The following CHFR variants were observed in gnomAD, a reference collection of about 807,000 sequenced individuals.
CHFR encodes checkpoint with forkhead and ring finger domains.
Under a neutral mutation model 87.6 loss-of-function variants are expected in CHFR, and 57 were observed. The observed-to-expected ratio is 0.65, with a 90% CI of 0.53 to 0.81. CHFR has a LOEUF of 0.81. CHFR is among the 30% of genes least tolerant of loss of function. The probability of loss-of-function intolerance (pLI) is 0.00; values close to 1 mark genes in which losing one functional copy is unlikely to be tolerated. For synonymous variants in CHFR, 381 were observed against 359.2 expected (o/e 1.06, Z -0.69); for missense variants, 797 against 865.8 (o/e 0.92, Z 1.00).
intron 16 of CHFR, among the ~76,000 whole-genome samples, chr12:132,843,732 C>T (rs1306103919): frequency 6.6e-6 from 1 of 151,802 alleles, no homozygotes; most frequent in Non-Finnish European, 1.5e-5. Context: ...TTTGGGAGGC[C>T]GAGGTCAAGA....
intron 7 of CHFR, among the ~76,000 whole-genome samples, chr12:132,860,621 A>T (rs951079448): frequency 1.3e-5 from 2 of 152,366 alleles, no homozygotes; most frequent in South Asian, 4.1e-4. Context: ...CTACCATAAC[A>T]TTCCCAAATG....
intron 15 of CHFR, among the ~76,000 whole-genome samples, 190 bp downstream of exon 15, chr12:132,846,853 C>A (rs1214731019): frequency 6.6e-6 from 1 of 152,170 alleles, no homozygotes; most frequent in Non-Finnish European, 1.5e-5. Flanking sequence ...GCACTCCAGT[C>A]TGGGCAACAA....
chr12:132,881,845 G>T (rs1004781904), intron 2 of CHFR, among the ~76,000 whole-genome samples: 1 of 144,912 alleles, frequency 6.9e-6, no homozygotes, highest in Non-Finnish European at 1.5e-5. Flanking sequence ...ATCCAGCCTG[G>T]CGACAGGGCA....
rs1042828135 is a variant in CHFR at position 132,853,290 on chromosome 12, G to T, written c.1372+141C>A. 9.4e-6 allele frequency: 8 copies of T among 854,880 alleles called. 1 individual carries two copies. Among genetic ancestry groups the T allele is most frequent in the Admixed American group, 4.1e-5 (1 of 24,624 alleles). The allele number at this position is 854,880 out of a possible 1,614,324, so 53.0% of individuals were successfully genotyped here. A position where few individuals can be genotyped will look rare whatever the true frequency, so the allele number is the denominator to read the frequency against. On this transcript the variant is annotated intron_variant, in intron 11 of 17. Transcript: ENST00000450056. ...AAAAGCAACCAACTGTGAGTGCAGG[G>T]AGACCAATGAGGCCAGGGCCCAAAG...
chr12:132,876,935 C>T (rs191561526), intron 3 of CHFR, among the ~76,000 whole-genome samples: 3 of 152,276 alleles, frequency 2.0e-5, no homozygotes, highest in African/African-American at 4.8e-5. Context: ...GCTGGGATTA[C>T]AGGCGCATGC....
chr12:132,868,450 C>T (rs958794653), intron 6 of CHFR, among the ~76,000 whole-genome samples: 1 of 151,904 alleles, frequency 6.6e-6, no homozygotes, highest in Non-Finnish European at 1.5e-5. Flanking sequence ...TGCAGTGAGC[C>T]GAGATCGCGC....
At chr12:132,847,565 G>A (rs959373639) in intron 14 of CHFR, 45 of 1,065,692 alleles carry the variant, frequency 4.2e-5, no homozygotes, top group Admixed American at 1.5e-4. Flanking sequence ...GGGGCTGAGC[G>A]GGCGCCTGCC....
rs572757038 is a variant in CHFR at position 132,844,451 on chromosome 12, A to AT, written c.1736-318dup. 1.5e-5 allele frequency among the ~76,000 whole-genome samples: 2 copies of AT among 129,886 alleles called. 1 individual carries two copies. Among genetic ancestry groups the AT allele is most frequent in the East Asian group, 4.6e-4 (2 of 4,352 alleles). The allele number at this position is 129,886 out of a possible 152,430, so 85.2% of individuals were successfully genotyped here. A position where few individuals can be genotyped will look rare whatever the true frequency, so the allele number is the denominator to read the frequency against. On this transcript the variant is annotated intron_variant, in intron 15 of 17. Coordinates refer to ENST00000450056, the MANE Select transcript of CHFR (RefSeq NM_001161346.2). ...AGGTGCCCGCCACCACACCGGGCTA[A>AT]TTTTTTGTATTTTTAGTAGAGACTG...
chr12:132,844,288 G>A (rs537275574), intron 15 of CHFR, among the ~76,000 whole-genome samples, 154 bp from the exon 16 acceptor site: 8 of 152,142 alleles, frequency 5.3e-5, no homozygotes, highest in South Asian at 2.1e-4. Context: ...ATCTAGATAC[G>A]AATTTATTTT....
intron 17 of CHFR, among the ~76,000 whole-genome samples, chr12:132,841,816 G>A (rs1950708998): frequency 6.6e-6 from 1 of 152,164 alleles, no homozygotes; most frequent in African/African-American, 2.4e-5. Flanking sequence ...AAACAGAAGT[G>A]CAAACATCTG....
intron 5 of CHFR, among the ~76,000 whole-genome samples, chr12:132,870,514 A>G (rs889845965): frequency 6.9e-6 from 1 of 145,242 alleles, no homozygotes; most frequent in Non-Finnish European, 1.5e-5. Context: ...CTGAGCAACA[A>G]GAGCAAAACT....
chr12:132,881,639 G>A lies in CHFR; in HGVS notation c.134-3985C>T, dbSNP rs186414040. The stretch of plus-strand genomic sequence containing the variant: ...TCCCAGCACTTTGGGAGGCCGAGGC[G>A]GGCGGATCACATGGTCAAGAGATTG... On this transcript the variant is annotated intron_variant, in intron 2 of 17. Coordinates refer to ENST00000450056, the MANE Select transcript of CHFR (RefSeq NM_001161346.2). Among the ~76,000 whole-genome samples, 100 of 152,134 alleles carry A rather than the reference G, an allele frequency of 6.6e-4. 1 individual carries two copies. Among genetic ancestry groups the A allele is most frequent in the African/African-American group, 2.2e-3 (91 of 41,520 alleles).
rs373793123 is a variant in CHFR at position 132,863,536 on chromosome 12, C to CA, written c.584-1903dup. 1.6e-3 allele frequency among the ~76,000 whole-genome samples: 235 copies of CA among 150,676 alleles called. 1 individual carries two copies. The highest frequency in any genetic ancestry group is 5.3e-3 in the African/African-American group (219 of 41,124). On this transcript the variant is annotated intron_variant, in intron 6 of 17. Coordinates refer to ENST00000450056, the MANE Select transcript of CHFR (RefSeq NM_001161346.2). ...AACAAAGTAAAACAAAACAAACAAA[C>CA]AAAAAAAAACAGAAGTCTGTGTAAA...
chr12:132,886,733 C>T (rs1057331342), intron 2 of CHFR, among the ~76,000 whole-genome samples: 1 of 152,174 alleles, frequency 6.6e-6, no homozygotes, highest in Admixed American at 6.5e-5. Context: ...CTGAGTACTG[C>T]CTTGGCTGCA....
At chr12:132,870,857 C>T (rs893983351) in intron 4 of CHFR, 74 bp from the exon 5 acceptor site, 14 of 851,618 alleles carry the variant, frequency 1.6e-5, no homozygotes, top group African/African-American at 6.7e-5. Context: ...CTCTTCTGTT[C>T]TCCAGTCCAT....
intron 14 of CHFR, chr12:132,847,834 C>T (rs1950860552): frequency 1.1e-5 from 15 of 1,337,114 alleles, no homozygotes; most frequent in East Asian, 3.1e-5. Context: ...CTGCGGGAAG[C>T]GGCTCCTACG....
chr12:132,851,712 C>A lies in CHFR; in HGVS notation c.1398G>T (p.Leu466=), dbSNP rs761102171. The A allele has an allele frequency of 5.6e-6, 9 of 1,613,330 alleles. No individual in the cohort carries two copies. In the African/African-American group the frequency reaches 1.2e-4, roughly 22 times the overall value. The change falls in exon 12 of 18, where the codon CTG becomes CTT. Residue 466 remains leucine, a synonymous_variant. Transcript: ENST00000450056. The stretch of plus-strand genomic sequence containing the variant: ...AGGTGCACAGGGCGTGGCTTCCTTG[C>A]AGAGGGCACACGTAATCCTGGACTG... ...TTAVQDYVCP[L]QGSHALCTCC...
chr12:132,854,105 T>C (rs1270783096), intron 10 of CHFR: 2 of 152,522 alleles, frequency 1.3e-5, no homozygotes, highest in South Asian at 4.1e-4. Flanking sequence ...TCCTCTCCAT[T>C]TGAAAGGCTT....
chr12:132,875,585 C>A (rs1400708853), intron 3 of CHFR, among the ~76,000 whole-genome samples: 1 of 152,002 alleles, frequency 6.6e-6, no homozygotes. Flanking sequence ...ATCGCACCAA[C>A]AGCACTTCAG....
Sources: allele counts gnomAD v4.1 joint callset (sites outside exome capture counted in the v4.1 genomes callset), GRCh38; gene constraint gnomAD v4.1.1; transcripts MANE v1.5; gene names NCBI Gene and HGNC (gene_info 2026-07-23, HGNC 2026-07-21).